GLIS3: variants seen among roughly 807,000 people sequenced by gnomAD.
GLIS3 encodes the protein GLIS family zinc finger 3.
Under a neutral mutation model 78.6 loss-of-function variants are expected in GLIS3, and 53 were observed. That is an observed-to-expected ratio of 0.67 (90% CI 0.54 to 0.85). The LOEUF is 0.85. Among genes scored for constraint, GLIS3 ranks in the 40% least tolerant of loss-of-function variants. The probability of loss-of-function intolerance (pLI) is 0.00; values close to 1 mark genes in which losing one functional copy is unlikely to be tolerated. For missense variants in GLIS3, 1,703 were observed against 1,231.1 expected (o/e 1.38, Z -5.74); for synonymous variants, 684 against 509.9 (o/e 1.34, Z -4.60).
intron 2 of GLIS3, among the ~76,000 whole-genome samples, chr9:4,137,200 G>C (rs1458727998): frequency 2.0e-5 from 3 of 152,152 alleles, no homozygotes; most frequent in Non-Finnish European, 2.9e-5. Flanking sequence ...AAATGGGAGA[G>C]GGGGGCCATA....
At chr9:4,441,048 T>C in the GLIS3 span, among the ~76,000 whole-genome samples, 2 of 152,202 alleles carry the variant, frequency 1.3e-5, no homozygotes, top group Non-Finnish European at 2.9e-5. Flanking sequence ...CTAACAGCTT[T>C]TTGGCACAGT....
intron 2 of GLIS3, among the ~76,000 whole-genome samples, chr9:4,136,281 C>G (rs2130961386): frequency 6.6e-6 from 1 of 152,230 alleles, no homozygotes; most frequent in East Asian, 1.9e-4. Context: ...GAGACAGGAG[C>G]TCAGAGGAGG....
At chr9:4,410,841 T>C in the GLIS3 span, among the ~76,000 whole-genome samples, 10 of 152,356 alleles carry the variant, frequency 6.6e-5, no homozygotes, top group Middle Eastern at 3.4e-3. Flanking sequence ...GATTAATCTT[T>C]AGCTGATCAA....
intron 5 of GLIS3, among the ~76,000 whole-genome samples, chr9:3,934,413 T>A (rs1588262190): frequency 6.6e-6 from 1 of 150,556 alleles, no homozygotes; most frequent in Non-Finnish European, 1.5e-5. Flanking sequence ...CTATTTGATT[T>A]TTTTTTTTTT....
chr9:4,009,089 A>G (rs1365647334), intron 4 of GLIS3, among the ~76,000 whole-genome samples: 1 of 152,198 alleles, frequency 6.6e-6, no homozygotes, highest in Non-Finnish European at 1.5e-5. Context: ...AAAATGATGC[A>G]TTTATAGATT....
intron 4 of GLIS3, among the ~76,000 whole-genome samples, chr9:4,006,230 C>T (rs1821534543): frequency 7.3e-6 from 1 of 137,864 alleles, no homozygotes; most frequent in South Asian, 2.3e-4. Context: ...CCTTGCCTGA[C>T]AGGTAAACAG....
chr9:4,190,981 G>T (rs1818281528), intron 2 of GLIS3, among the ~76,000 whole-genome samples: 1 of 151,922 alleles, frequency 6.6e-6, no homozygotes, highest in Admixed American at 6.6e-5. Flanking sequence ...ACAAGCAAAT[G>T]CTGAGAGATT....
intron 3 of GLIS3, among the ~76,000 whole-genome samples, chr9:4,119,099 T>C (rs1831988363): frequency 1.3e-5 from 2 of 152,172 alleles, no homozygotes; most frequent in South Asian, 4.1e-4. Context: ...AACCTAATGC[T>C]CACTGAAATA....
the GLIS3 span, among the ~76,000 whole-genome samples, chr9:4,396,266 C>A: frequency 6.6e-6 from 1 of 152,162 alleles, no homozygotes; most frequent in East Asian, 1.9e-4. Flanking sequence ...GCATCCACCA[C>A]TATGCCTAGC....
chr9:3,824,933 AAAT>A lies in GLIS3; in HGVS notation c.*3336_*3338del, dbSNP rs200745717. The A allele has an allele frequency of 0.1, 12,321 of 118,366 alleles. 694 individuals carry two copies. Among genetic ancestry groups the A allele is most frequent in the Middle Eastern group, 0.15 (37 of 252 alleles). The allele number at this position is 118,366 out of a possible 1,614,324, so 7.3% of individuals were successfully genotyped here. The stretch of plus-strand genomic sequence containing the variant: ...CTTCATCTGTTGCAAAAAAAAAAAA[AAAT>A]AATAACCGCAGAAATTCCACACCAC... On this transcript the variant is annotated 3_prime_UTR_variant, in exon 11 of 11. Transcript: ENST00000381971.
intron 2 of GLIS3, among the ~76,000 whole-genome samples, chr9:4,330,739 G>C (rs1817673369): frequency 1.3e-5 from 2 of 151,620 alleles, no homozygotes; most frequent in Non-Finnish European, 2.9e-5. Flanking sequence ...GCAATACCTG[G>C]GAGGGAGTGG....
At chr9:4,409,124 T>C in the GLIS3 span, among the ~76,000 whole-genome samples, 3 of 152,204 alleles carry the variant, frequency 2.0e-5, no homozygotes, top group East Asian at 3.8e-4. Context: ...AATGTTGTAA[T>C]CCTGTTAAAT....
chr9:4,124,103 C>A (rs1176454253), intron 3 of GLIS3, among the ~76,000 whole-genome samples: 2 of 152,086 alleles, frequency 1.3e-5, no homozygotes, highest in Admixed American at 1.3e-4. Context: ...AACCAAGGCT[C>A]ACAAATAAAT....
intron 2 of GLIS3, among the ~76,000 whole-genome samples, chr9:4,179,556 C>T (rs1327569617): frequency 6.6e-6 from 1 of 152,094 alleles, no homozygotes; most frequent in African/African-American, 2.4e-5. Flanking sequence ...TAGTTTTTAA[C>T]CCAGGACACA....
At chr9:4,223,341 A>ACTTCC (rs1279850506) in intron 2 of GLIS3, among the ~76,000 whole-genome samples, 2 of 152,156 alleles carry the variant, frequency 1.3e-5, no homozygotes, top group African/African-American at 2.4e-5. Flanking sequence ...ACACAGCCTA[A>ACTTCC]CACTGCTTCT....
At chr9:3,933,955 T>C (rs1476593635) in intron 5 of GLIS3, among the ~76,000 whole-genome samples, 1 of 152,214 alleles carries the variant, frequency 6.6e-6, no homozygotes, top group Non-Finnish European at 1.5e-5. Context: ...TGTTCATTGA[T>C]TGACTGACTG....
upstream of GLIS3, among the ~76,000 whole-genome samples, chr9:4,348,764 C>T (rs910203944): frequency 1.3e-5 from 2 of 151,488 alleles, no homozygotes; most frequent in South Asian, 2.1e-4. Flanking sequence ...AAGGAAAATG[C>T]TCCTAAGTGA....
At chr9:4,195,564 C>A (rs1818750787) in intron 2 of GLIS3, among the ~76,000 whole-genome samples, 2 of 152,250 alleles carry the variant, frequency 1.3e-5, no homozygotes, top group Non-Finnish European at 2.9e-5. Context: ...TGCAGCCCGC[C>A]ATGCCCGAGC....
At chr9:3,955,615 G>A (rs1304461089) in intron 4 of GLIS3, among the ~76,000 whole-genome samples, 1 of 152,146 alleles carries the variant, frequency 6.6e-6, no homozygotes, top group Non-Finnish European at 1.5e-5. Context: ...AAATAGCCAA[G>A]ATGCTTCCAG....
Sources: gnomAD v4.1 joint callset for allele counts (sites outside exome capture counted in the v4.1 genomes callset) on GRCh38, gnomAD v4.1.1 for gene constraint, MANE v1.5 for transcripts, NCBI Gene and HGNC (gene_info 2026-07-23, HGNC 2026-07-21) for gene names.